Variants in CUX2 observed in about 807,000 individuals in gnomAD.
The protein encoded by CUX2 is cut like homeobox 2.
In CUX2, 40 loss-of-function variants were observed where a neutral mutation model predicts 144.8. The ratio of observed to expected loss-of-function variants is 0.28; its 90% confidence interval spans 0.21 to 0.36. The LOEUF is 0.36. Ranked by LOEUF, CUX2 falls within the 10% of genes least tolerant of loss-of-function variation. The probability of loss-of-function intolerance (pLI) is 1.00; values close to 1 mark genes in which losing one functional copy is unlikely to be tolerated. For missense variants in CUX2, 1,615 were observed against 1,994.0 expected, an observed-to-expected ratio of 0.81 and a Z score of 3.62; for synonymous variants, 827 against 875.6, an observed-to-expected ratio of 0.94 and a Z score of 0.98.
intron 3 of CUX2, among the ~76,000 whole-genome samples, chr12:111,251,571 G>A (rs1461887169): frequency 2.6e-5 from 4 of 152,188 alleles, no homozygotes; most frequent in Admixed American, 6.5e-5. Context: ...CACCACTCGC[G>A]GTATCTCCGG....
intron 3 of CUX2, among the ~76,000 whole-genome samples, chr12:111,218,395 G>T (rs933584810): frequency 1.3e-5 from 2 of 152,042 alleles, no homozygotes; most frequent in Non-Finnish European, 2.9e-5. Context: ...ACGTGCCTGT[G>T]GTCCCAGCTA....
intron 1 of CUX2, among the ~76,000 whole-genome samples, chr12:111,072,292 G>A (rs937954700): frequency 1.1e-4 from 16 of 152,292 alleles, no homozygotes; most frequent in South Asian, 1.0e-3. Context: ...GATTTTATTC[G>A]TCAGAGTTTT....
intron 19 of CUX2, among the ~76,000 whole-genome samples, chr12:111,337,456 A>G (rs1227538694): frequency 6.6e-6 from 1 of 151,890 alleles, no homozygotes; most frequent in Non-Finnish European, 1.5e-5. Flanking sequence ...ACCACTGGAG[A>G]GTGTTTCAGG....
In CUX2 at chr12:111,127,710, A is replaced by G. The variant is rs905078128; in HGVS notation, c.64-86490A>G. ...TGTATTAATCTGTTCTCACGCTGCT[A>G]AGAGACATACCTGAGACTGGGTAAT... On this transcript the variant is annotated intron_variant, in intron 1 of 21. Transcript: ENST00000261726. Among the ~76,000 whole-genome samples the G allele has an allele frequency of 6.6e-5, 10 of 152,342 alleles. No individual in the cohort carries two copies. In the South Asian group the frequency reaches 8.3e-4, roughly 13 times the overall value.
intron 3 of CUX2, among the ~76,000 whole-genome samples, chr12:111,221,662 C>T (rs765859921): frequency 1.3e-5 from 2 of 152,068 alleles, no homozygotes; most frequent in Non-Finnish European, 2.9e-5. Flanking sequence ...ATGAAATATA[C>T]CATGTTCAAT....
chr12:111,115,230 G>C (rs1317551679), intron 1 of CUX2, among the ~76,000 whole-genome samples: 1 of 147,150 alleles, frequency 6.8e-6, no homozygotes, highest in Non-Finnish European at 1.5e-5. Context: ...CTGGTATTTT[G>C]ATTGACATTG....
At chr12:111,265,309 TTTTTA>T (rs199678456) in intron 4 of CUX2, among the ~76,000 whole-genome samples, 3,009 of 143,668 alleles carry the variant, frequency 0.021, 107 homozygotes, top group African/African-American at 0.072. Context: ...TTTTATTTTA[TTTTTA>T]TTTTATTTTA....
chr12:111,269,654 C>T (rs559591771), intron 4 of CUX2, among the ~76,000 whole-genome samples: 3 of 152,156 alleles, frequency 2.0e-5, no homozygotes, highest in Non-Finnish European at 4.4e-5. Flanking sequence ...CACTTGGAAA[C>T]GAGCCCTCAT....
rs1230596848 is a variant in CUX2 at position 111,035,884 on chromosome 12, G to A, written c.63+1644G>A. On this transcript the variant is annotated intron_variant, in intron 1 of 21. Transcript: ENST00000261726. This position sits in a 1 kb window ranked among gnomAD's most constrained non-coding sequence, Gnocchi z 6.0. Reference sequence around the variant, plus strand: ...TTTGGTGGCCAACTGAGACGGGCAGGGCTGCGAGCTGTGCCTGCCGGCTTA... The same window carrying A: ...TTTGGTGGCCAACTGAGACGGGCAGAGCTGCGAGCTGTGCCTGCCGGCTTA... 6.6e-6 allele frequency among the ~76,000 whole-genome samples: 1 copy of A among 152,148 alleles called. No individual in the cohort carries two copies. Among genetic ancestry groups the A allele is most frequent in the Non-Finnish European group, 1.5e-5 (1 of 68,042 alleles).
rs1167513467 is a variant in CUX2 at position 111,293,067 on chromosome 12, A to G, written c.437-379A>G. ...GAACCCAGGAGGCAGAGGTTGCAGT[A>G]AGCTGAGATTGTGCCACTGCACTCG... On this transcript the variant is annotated intron_variant, in intron 5 of 21. Coordinates refer to ENST00000261726, the MANE Select transcript of CUX2 (RefSeq NM_015267.4). The surrounding 1 kb of genome is among the most constrained non-coding windows in gnomAD (Gnocchi z 4.5). Among the ~76,000 whole-genome samples the G allele has an allele frequency of 2.0e-5, 3 of 152,140 alleles. No homozygotes were observed. The highest frequency in any genetic ancestry group is 4.4e-5 in the Non-Finnish European group (3 of 68,012).
chr12:111,322,710 C>A lies in CUX2; in HGVS notation c.2926+130C>A. 8.3e-7 allele frequency: 1 copy of A among 1,204,810 alleles called. No homozygotes were observed. The highest frequency in any genetic ancestry group is 2.3e-5 in the Admixed American group (1 of 43,036). 74.6% of individuals were successfully genotyped at this position (1,204,810 alleles called of 1,614,324 possible). A position where few individuals can be genotyped will look rare whatever the true frequency, so the allele number is the denominator to read the frequency against. On this transcript the variant is annotated intron_variant, in intron 18 of 21. Coordinates refer to ENST00000261726, the MANE Select transcript of CUX2 (RefSeq NM_015267.4). The surrounding 1 kb of genome is among the most constrained non-coding windows in gnomAD (Gnocchi z 4.2). ...CTGCTGCCCTGGCTTTCATCCCAGT[C>A]ACTGTCATGGCTGCACTGGAACATG...
At chr12:111,097,750 G>A (rs1466187349) in intron 1 of CUX2, among the ~76,000 whole-genome samples, 1 of 152,226 alleles carries the variant, frequency 6.6e-6, no homozygotes, top group Non-Finnish European at 1.5e-5. Context: ...CAAAGAGACT[G>A]CAGCGAGCAG....
At chr12:111,188,797 T>G (rs982790553) in intron 1 of CUX2, among the ~76,000 whole-genome samples, 1 of 152,068 alleles carries the variant, frequency 6.6e-6, no homozygotes, top group African/African-American at 2.4e-5. Flanking sequence ...TGATTCATGT[T>G]TGTGAACGCA....
rs756404654 is a variant in CUX2, at chr12:111,306,996, C to T, written c.934C>T (p.Arg312Trp). The T allele has an allele frequency of 2.5e-6, 4 of 1,613,698 alleles. No homozygotes were observed. The highest frequency in any genetic ancestry group is 1.1e-5 in the South Asian group (1 of 91,074). The change falls in exon 11 of 22, where the codon CGG becomes TGG. Residue 312 changes from arginine to tryptophan, a missense_variant. Arg to Trp is a moderately radical substitution (Grantham distance 101, BLOSUM62 -3). Around this residue, in one of 12 missense-constraint regions of CUX2, gnomAD observed 295 missense variants for 400.2 expected, o/e 0.74. Transcript: ENST00000261726. Reference protein sequence around the residue: ...ALASKDREILRLLKDVQHLQS... With the variant: ...ALASKDREILWLLKDVQHLQS... ...GGCCTCCAAGGACAGGGAGATCCTG[C>T]GGCTGCTGAAGGACGTGCAGCACCT... is the stretch of plus-strand genomic sequence containing the variant.
At chr12:111,094,527 C>T (rs1872713249) in intron 1 of CUX2, among the ~76,000 whole-genome samples, 1 of 152,232 alleles carries the variant, frequency 6.6e-6, no homozygotes, top group Non-Finnish European at 1.5e-5. Context: ...GAGACAGGGT[C>T]TTGCTCGGTT....
intron 16 of CUX2, among the ~76,000 whole-genome samples, chr12:111,318,853 C>T (rs1468915231): frequency 6.6e-6 from 1 of 151,932 alleles, no homozygotes; most frequent in Non-Finnish European, 1.5e-5. Flanking sequence ...TTTGCAGAGA[C>T]TGAGTTTTGC....
At chr12:111,104,963 C>T (rs774839835) in intron 1 of CUX2, among the ~76,000 whole-genome samples, 1 of 152,078 alleles carries the variant, frequency 6.6e-6, no homozygotes, top group African/African-American at 2.4e-5. Context: ...ATGAATGGGG[C>T]GTGAGTCTTG....
intron 4 of CUX2, among the ~76,000 whole-genome samples, chr12:111,288,872 A>G (rs569984145): frequency 2.8e-4 from 42 of 152,256 alleles, no homozygotes; most frequent in African/African-American, 9.1e-4. Context: ...CTGAGGCAGG[A>G]ATGTTGCTTG....
rs116687806 is a variant in CUX2 at position 111,334,316 on chromosome 12, T to C, written c.2927-125T>C. On this transcript the variant is annotated intron_variant, in intron 18 of 21. Transcript: ENST00000261726. ...TCCAGGGTGGTCCCTACCTGAGCGA[T>C]TATTACTACAGTGGTTGCAAAATGG... 1,421 of 1,000,132 alleles carry C rather than the reference T, an allele frequency of 1.4e-3. 17 individuals carry two copies. The African/African-American group carries it at 0.021, about 15-fold the overall frequency. The allele number at this position is 1,000,132 out of a possible 1,614,324, so 62.0% of individuals were successfully genotyped here.
Sources: allele counts gnomAD v4.1 joint callset (sites outside exome capture counted in the v4.1 genomes callset), GRCh38; gene constraint gnomAD v4.1.1; regional missense constraint gnomAD v4.1.1; non-coding constraint Gnocchi (gnomAD v3.1); transcripts MANE v1.5; gene names NCBI Gene and HGNC (gene_info 2026-07-23, HGNC 2026-07-21).